The following SNX1 variants were observed in gnomAD, a reference collection of about 807,000 sequenced individuals.
SNX1 encodes sorting nexin 1, also known as sorting nexin-1.
A neutral mutation model predicts 71.8 loss-of-function variants in SNX1; 36 were observed. That is an observed-to-expected ratio of 0.50 (90% CI 0.38 to 0.66). The LOEUF (loss-of-function observed/expected upper bound fraction) is 0.66, where lower values mean the gene tolerates loss of function less well. Among genes scored for constraint, SNX1 ranks in the 30% least tolerant of loss-of-function variants. SNX1 has a pLI of 0.00. For synonymous variants in SNX1, 254 were observed against 240.7 expected (o/e 1.06, Z -0.51); for missense variants, 612 against 646.7 (o/e 0.95, Z 0.58).
Position 64,129,116 on chromosome 15 carries a change from G to A in SNX1, c.808-800G>A, listed in dbSNP as rs1433507903. On this transcript the variant is annotated intron_variant, in intron 8 of 14. Transcript: ENST00000559844. The surrounding 1 kb of genome is among the most constrained non-coding windows in gnomAD (Gnocchi z 4.4). ...ACAAAAATTAGCGGGTCGTGGTGGC[G>A]GGCACCTATAATCCCAGCTACTTGG... Among the ~76,000 whole-genome samples, 4 of 151,902 alleles carry A rather than the reference G, an allele frequency of 2.6e-5. No homozygotes were observed. The highest frequency in any genetic ancestry group is 9.7e-5 in the African/African-American group (4 of 41,410).
chr15:64,100,621 AAAAAAG>A (rs1410894850), intron 1 of SNX1, among the ~76,000 whole-genome samples: 9 of 148,964 alleles, frequency 6.0e-5, no homozygotes, highest in African/African-American at 1.9e-4. Flanking sequence ...AAAAAAAAAA[AAAAAAG>A]AGACTCAAAA....
intron 2 of SNX1, among the ~76,000 whole-genome samples, chr15:64,114,624 C>T (rs1352709094): frequency 3.3e-5 from 5 of 151,946 alleles, no homozygotes; most frequent in South Asian, 2.1e-4. Context: ...TCCATGTGAA[C>T]GAGATCCTCA....
intron 1 of SNX1, chr15:64,111,706 G>C (rs2081079880): frequency 6.6e-6 from 1 of 152,204 alleles, no homozygotes; most frequent in African/African-American, 2.4e-5. Flanking sequence ...CCTCAGATTT[G>C]TTAAGGAAGT....
intron 1 of SNX1, among the ~76,000 whole-genome samples, chr15:64,110,855 C>A (rs561764688): frequency 6.6e-6 from 1 of 152,350 alleles, no homozygotes; most frequent in East Asian, 1.9e-4. Flanking sequence ...AGTCATTAAC[C>A]TTCCAAGTTA....
chr15:64,136,549 G>T lies in SNX1; in HGVS notation c.1446+139G>T, dbSNP rs114939480. ...TCGTGAGCAGGCGTGGCCTTCTTTG[G>T]GGGGGTGTGTGCTTGATCCTAGGAA... On this transcript the variant is annotated intron_variant, in intron 13 of 14. Coordinates refer to ENST00000559844, the MANE Select transcript of SNX1 (RefSeq NM_003099.5). 1,059 of 734,956 alleles carry T rather than the reference G, an allele frequency of 1.4e-3. 5 individuals are homozygous for T. The African/African-American group carries it at 0.016, about 11-fold the overall frequency. 45.5% of individuals were successfully genotyped at this position (734,956 alleles called of 1,614,324 possible).
chr15:64,138,264 A>G lies in SNX1; in HGVS notation c.*646A>G. The G allele has an allele frequency of 1.4e-6, 2 of 1,403,496 alleles. No individual in the cohort carries two copies. The highest frequency in any genetic ancestry group is 1.9e-6 in the Non-Finnish European group (2 of 1,069,802). The allele number at this position is 1,403,496 out of a possible 1,614,324, so 86.9% of individuals were successfully genotyped here. A position where few individuals can be genotyped will look rare whatever the true frequency, so the allele number is the denominator to read the frequency against. ...AGTTTTAAAAACATCTCTTAAAATA[A>G]GAGGAGCAAAATCTATTAAAACCTA... is the stretch of plus-strand genomic sequence containing the variant. On this transcript the variant is annotated 3_prime_UTR_variant, in exon 15 of 15. Coordinates refer to ENST00000559844, the MANE Select transcript of SNX1 (RefSeq NM_003099.5).
intron 4 of SNX1, among the ~76,000 whole-genome samples, chr15:64,122,104 C>G (rs2081202166): frequency 6.6e-6 from 1 of 152,140 alleles, no homozygotes; most frequent in Non-Finnish European, 1.5e-5. Context: ...AGCTGAGAAA[C>G]AAAATATCTG....
At chr15:64,115,707 G>A (rs2081122336) in intron 2 of SNX1, 1 of 198,894 alleles carries the variant, frequency 5.0e-6, no homozygotes, top group Non-Finnish European at 1.1e-5. Context: ...AGGACCACAG[G>A]TGGGCACCAC....
chr15:64,108,648 CTT>C (rs1388158156), intron 1 of SNX1, among the ~76,000 whole-genome samples: 5 of 152,118 alleles, frequency 3.3e-5, no homozygotes, highest in South Asian at 4.1e-4. Flanking sequence ...CCTTAAAAAA[CTT>C]AATTTTTCCA....
intron 1 of SNX1, among the ~76,000 whole-genome samples, chr15:64,108,208 G>A (rs926250729): frequency 2.6e-5 from 4 of 151,574 alleles, no homozygotes; most frequent in African/African-American, 7.3e-5. Flanking sequence ...AAAAAAAAAG[G>A]TTATAAAGCA....
At chr15:64,128,502 C>A (rs569051178) in intron 8 of SNX1, among the ~76,000 whole-genome samples, 19 of 152,246 alleles carry the variant, frequency 1.2e-4, no homozygotes, top group African/African-American at 4.1e-4. Flanking sequence ...AAGTAAGTGA[C>A]TGGGTAGGGC....
In SNX1 at chr15:64,143,742, T is replaced by C. The variant is rs2081437131; in HGVS notation, c.*6124T>C. 1 of 152,204 alleles carries C rather than the reference T, an allele frequency of 6.6e-6. No individual in the cohort carries two copies. Among genetic ancestry groups the C allele is most frequent in the African/African-American group, 2.4e-5 (1 of 41,436 alleles). 9.4% of individuals were successfully genotyped at this position (152,204 alleles called of 1,614,324 possible). A position where few individuals can be genotyped will look rare whatever the true frequency, so the allele number is the denominator to read the frequency against. ...CATTTTCCAATGCCCTAGATGGGAA[T>C]ATAAGTGTAAGGAGATGTGAAGCAT... On this transcript the variant is annotated 3_prime_UTR_variant, in exon 15 of 15. Coordinates refer to ENST00000559844, the MANE Select transcript of SNX1 (RefSeq NM_003099.5).
chr15:64,125,845 A>AT (rs2140152540), intron 5 of SNX1, among the ~76,000 whole-genome samples: 1 of 152,158 alleles, frequency 6.6e-6, no homozygotes, highest in Admixed American at 6.5e-5. Context: ...AATCCTATAT[A>AT]TTTTTTGCAT....
At position 64,134,576 on chromosome 15, in the gene SNX1, T is replaced by G. The variant is rs1004893711; in HGVS notation, c.1222-88T>G. The G allele has an allele frequency of 4.0e-5, 60 of 1,483,566 alleles. No homozygotes were observed. The highest frequency in any genetic ancestry group is 2.5e-4 in the Middle Eastern group (1 of 3,996). The allele number at this position is 1,483,566 out of a possible 1,614,324, so 91.9% of individuals were successfully genotyped here. A position where few individuals can be genotyped will look rare whatever the true frequency, so the allele number is the denominator to read the frequency against. Reference sequence around the variant, plus strand: ...CTGCCCTTGCTCAGTCTGTCCCTGGTGCAGCTGCTGGGAGAGCCTGCCTCG... The same window carrying G: ...CTGCCCTTGCTCAGTCTGTCCCTGGGGCAGCTGCTGGGAGAGCCTGCCTCG... On this transcript the variant is annotated intron_variant, in intron 11 of 14. Coordinates refer to ENST00000559844, the MANE Select transcript of SNX1 (RefSeq NM_003099.5). The surrounding 1 kb of genome is among the most constrained non-coding windows in gnomAD (Gnocchi z 4.1).
Position 64,138,318 on chromosome 15 carries a change from T to TCA in SNX1, c.*701_*702insAC. On this transcript the variant is annotated 3_prime_UTR_variant, in exon 15 of 15. Coordinates refer to ENST00000559844, the MANE Select transcript of SNX1 (RefSeq NM_003099.5). ...TCCTGCAAAGGAGGCAGAGACTTTCTCTCTCTCTTTTTTTTTTTTTTTTGG... is the reference window on the plus strand; with the variant it reads ...TCCTGCAAAGGAGGCAGAGACTTTCTCACTCTCTCTTTTTTTTTTTTTTTTGG... 2.6e-6 allele frequency: 2 copies of TCA among 755,494 alleles called. No homozygotes were observed. Among genetic ancestry groups the TCA allele is most frequent in the Non-Finnish European group, 3.8e-6 (2 of 528,670 alleles). The allele number at this position is 755,494 out of a possible 1,614,324, so 46.8% of individuals were successfully genotyped here. A position where few individuals can be genotyped will look rare whatever the true frequency, so the allele number is the denominator to read the frequency against.
intron 1 of SNX1, among the ~76,000 whole-genome samples, chr15:64,096,851 G>T (rs2080907844): frequency 6.6e-6 from 1 of 152,220 alleles, no homozygotes; most frequent in Non-Finnish European, 1.5e-5. Context: ...TGAGGAAATG[G>T]TGTTTCCCGT....
chr15:64,130,432 C>A, intron 10 of SNX1, 111 bp downstream of exon 10: 1 of 859,576 alleles, frequency 1.2e-6, no homozygotes, highest in Non-Finnish European at 1.9e-6. Flanking sequence ...TTGAAATTCT[C>A]AGCCCACCTG....
intron 2 of SNX1, among the ~76,000 whole-genome samples, chr15:64,116,306 G>C (rs1002853709): frequency 1.3e-5 from 2 of 152,228 alleles, no homozygotes; most frequent in African/African-American, 2.4e-5. Flanking sequence ...GGTTGGTCTT[G>C]CTGCCTCAGG....
chr15:64,099,283 A>G (rs528233584), intron 1 of SNX1, among the ~76,000 whole-genome samples: 13 of 152,314 alleles, frequency 8.5e-5, no homozygotes, highest in East Asian at 5.8e-4. Flanking sequence ...CTCCACCACT[A>G]TTGTGAAGAT....
Sources: allele counts gnomAD v4.1 joint callset (sites outside exome capture counted in the v4.1 genomes callset), GRCh38; gene constraint gnomAD v4.1.1; non-coding constraint Gnocchi (gnomAD v3.1); transcripts MANE v1.5; gene names NCBI Gene and HGNC (gene_info 2026-07-23, HGNC 2026-07-21).